Variants in CDC27 observed in about 807,000 individuals in gnomAD.
The protein encoded by CDC27 is cell division cycle protein 27 homolog.
Under a neutral mutation model 109.7 loss-of-function variants are expected in CDC27, and 27 were observed. The observed-to-expected ratio is 0.25, with a 90% confidence interval of 0.18 to 0.34. The LOEUF (loss-of-function observed/expected upper bound fraction) is 0.34, where lower values mean the gene tolerates loss of function less well. CDC27 is among the 10% of genes least tolerant of loss of function. The pLI is 1.00. For missense variants in CDC27, 579 were observed against 960.2 expected (o/e 0.60, Z 5.25); for synonymous variants, 266 against 333.9 (o/e 0.80, Z 2.22).
At chr17:47,159,748 A>C (rs2063437395) in intron 4 of CDC27, 1 of 411,244 alleles carries the variant, frequency 2.4e-6, no homozygotes, top group South Asian at 2.0e-5. Flanking sequence ...GCACCGGCAT[A>C]ATCTTCAAAA....
At chr17:47,157,724 AC>A (rs1033730573) in intron 5 of CDC27, among the ~76,000 whole-genome samples, 1 of 152,172 alleles carries the variant, frequency 6.6e-6, no homozygotes, top group Non-Finnish European at 1.5e-5. Flanking sequence ...AAGAGTTAAA[AC>A]CCATCATATT....
intron 4 of CDC27, 113 bp downstream of exon 4, chr17:47,169,804 G>T: frequency 1.3e-6 from 1 of 788,294 alleles, no homozygotes; most frequent in Non-Finnish European, 1.9e-6. Flanking sequence ...ATCAGACTAT[G>T]TACTACTCAG....
intron 1 of CDC27, 189 bp downstream of exon 1, chr17:47,188,956 AG>A (rs11570450): frequency 0.022 from 31,487 of 1,441,986 alleles, 410 homozygotes; most frequent in Middle Eastern, 0.075. Context: ...GAAGTAATGT[AG>A]GGCCAGAGGT....
At chr17:47,169,329 ACT>A (rs1387242622) in intron 4 of CDC27, among the ~76,000 whole-genome samples, 1 of 151,636 alleles carries the variant, frequency 6.6e-6, no homozygotes, top group Non-Finnish European at 1.5e-5. Flanking sequence ...ACATAAAGAT[ACT>A]CTTTTCACCC....
intron 9 of CDC27, 79 bp from the exon 10 acceptor site, chr17:47,144,061 T>C: frequency 4.3e-6 from 2 of 465,738 alleles, no homozygotes; most frequent in Non-Finnish European, 6.9e-6. Context: ...TTTGGGTATA[T>C]TTTAAAAATA....
At chr17:47,136,944 G>A (rs1476394573) in intron 14 of CDC27, among the ~76,000 whole-genome samples, 4 of 152,132 alleles carry the variant, frequency 2.6e-5, no homozygotes, top group Non-Finnish European at 2.9e-5. Flanking sequence ...TAAGGATCTG[G>A]TATTCTATTA....
In CDC27 at chr17:47,132,348, T is replaced by A; in HGVS notation, c.1940A>T (p.Lys647Met). The change falls in exon 15 of 19, where the codon AAG (lysine) becomes ATG (methionine). Residue 647 changes from lysine to methionine, a missense_variant. Transcript: ENST00000066544. The stretch of plus-strand genomic sequence containing the variant: ...TTCTGCAAGGCTGAATTTTTCTTGC[T>A]TGTAATAAATCATTCCTAAACCATA... ...AWYGLGMIYY[K>M]QEKFSLAEMH... is the part of the protein sequence containing the mutation. 1 of 1,597,310 alleles carries A rather than the reference T, an allele frequency of 6.3e-7. No individual in the cohort carries two copies. The highest frequency in any genetic ancestry group is 8.6e-7 in the Non-Finnish European group (1 of 1,166,930).
intron 8 of CDC27, among the ~76,000 whole-genome samples, chr17:47,154,063 TG>T (rs2063225663): frequency 7.1e-6 from 1 of 141,292 alleles, no homozygotes; most frequent in South Asian, 2.2e-4. Context: ...CACTCCAGCC[TG>T]GGCAGGAGAG....
At chr17:47,168,560 A>C (rs891924719) in intron 4 of CDC27, among the ~76,000 whole-genome samples, 2 of 152,090 alleles carry the variant, frequency 1.3e-5, no homozygotes, top group Admixed American at 1.3e-4. Flanking sequence ...CTTTATATTC[A>C]AGCCAAGTGT....
At chr17:47,126,714 CA>C (rs978339473) in intron 16 of CDC27, among the ~76,000 whole-genome samples, 4 of 152,252 alleles carry the variant, frequency 2.6e-5, no homozygotes, top group African/African-American at 9.6e-5. Flanking sequence ...TACATAAAAA[CA>C]AATACTGATT....
intron 9 of CDC27, among the ~76,000 whole-genome samples, chr17:47,150,890 G>T (rs2063133395): frequency 6.6e-6 from 1 of 152,050 alleles, no homozygotes; most frequent in Non-Finnish European, 1.5e-5. Context: ...AAATTAGCTG[G>T]GTGTGGTGAC....
chr17:47,124,408 C>G (rs1442267636), intron 16 of CDC27, among the ~76,000 whole-genome samples: 4 of 152,064 alleles, frequency 2.6e-5, no homozygotes, highest in Admixed American at 2.6e-4. Context: ...CTCAGCCTCC[C>G]GCGTAACTGG....
intron 12 of CDC27, among the ~76,000 whole-genome samples, chr17:47,139,617 A>ATT (rs2062733131): frequency 6.6e-6 from 1 of 152,146 alleles, no homozygotes; most frequent in Non-Finnish European, 1.5e-5. Context: ...TGTAACATAA[A>ATT]ATCTATTTTT....
At chr17:47,123,165 C>T (rs2062026185) in intron 17 of CDC27, among the ~76,000 whole-genome samples, 1 of 152,052 alleles carries the variant, frequency 6.6e-6, no homozygotes, top group Admixed American at 6.6e-5. Context: ...ATCACTCTGA[C>T]TGGAGCAATG....
chr17:47,134,019 G>A (rs1329582464), intron 14 of CDC27, among the ~76,000 whole-genome samples: 2 of 152,196 alleles, frequency 1.3e-5, no homozygotes, highest in South Asian at 2.1e-4. Context: ...CCAAAGTGCC[G>A]GGATTGCAGG....
chr17:47,136,035 G>A (rs530248230), intron 14 of CDC27, among the ~76,000 whole-genome samples: 2 of 152,174 alleles, frequency 1.3e-5, no homozygotes, highest in African/African-American at 2.4e-5. Flanking sequence ...CCAGCTACTC[G>A]GGAGGCTGAG....
chr17:47,186,760 G>GA (rs76364895), intron 1 of CDC27, among the ~76,000 whole-genome samples: 9 of 149,630 alleles, frequency 6.0e-5, no homozygotes, highest in African/African-American at 9.9e-5. Context: ...AAACTTTAAA[G>GA]AAAAAAAAAT....
intron 9 of CDC27, among the ~76,000 whole-genome samples, chr17:47,147,431 A>ACAAAC (rs71138590): frequency 0.023 from 3,334 of 144,114 alleles, 58 homozygotes; most frequent in Middle Eastern, 0.071. Flanking sequence ...AAACAAACAA[A>ACAAAC]AAAAAAAACA....
chr17:47,156,454 T>C (rs2148914045), intron 7 of CDC27, among the ~76,000 whole-genome samples: 1 of 144,784 alleles, frequency 6.9e-6, no homozygotes, highest in East Asian at 2.1e-4. Flanking sequence ...ATATTCAATA[T>C]CAATTTTTTT....
Sources: allele counts gnomAD v4.1 joint callset (sites outside exome capture counted in the v4.1 genomes callset), GRCh38; gene constraint gnomAD v4.1.1; transcripts MANE v1.5; gene names NCBI Gene and HGNC (gene_info 2026-07-23, HGNC 2026-07-21).